ENTPD7: variants seen among roughly 807,000 people sequenced by gnomAD.
ENTPD7 encodes ectonucleoside triphosphate diphosphohydrolase 7.
Under a neutral mutation model 77.9 loss-of-function variants are expected in ENTPD7, and 53 were observed. The ratio of observed to expected loss-of-function variants is 0.68; its 90% CI spans 0.55 to 0.85. ENTPD7 has a LOEUF of 0.85. ENTPD7 is among the 40% of genes least tolerant of loss of function. The pLI is 0.00. For missense variants in ENTPD7, 636 were observed against 743.7 expected, an observed-to-expected ratio of 0.86 and a Z score of 1.68; for synonymous variants, 248 against 274.9, an observed-to-expected ratio of 0.90 and a Z score of 0.97.
chr10:99,686,521 T>G (rs1253222838), intron 6 of ENTPD7, among the ~76,000 whole-genome samples: 2 of 152,196 alleles, frequency 1.3e-5, no homozygotes, highest in African/African-American at 4.8e-5. Flanking sequence ...GATTTACCTT[T>G]TAAAATTTCA....
In ENTPD7 at chr10:99,661,609, C is replaced by G. The variant is rs370286436; in HGVS notation, c.172C>G (p.Arg58Gly). 1 of 1,606,324 alleles carries G rather than the reference C, an allele frequency of 6.2e-7. No homozygotes were observed. The highest frequency in any genetic ancestry group is 8.5e-7 in the Non-Finnish European group (1 of 1,177,632). ...TCGACATTGGAGTGCTTCATTACCA[C>G]GAGATAGGCAATACGAAAGGTGAGT... Reference protein sequence around the residue: ...DFRHWSASLPRDRQYERYLAR... With the variant: ...DFRHWSASLPGDRQYERYLAR... The change falls in exon 3 of 13, where the codon CGA (arginine) becomes GGA (glycine). Residue 58 changes from arginine to glycine, a missense_variant. By Grantham distance (125) the Arg-to-Gly change is moderately radical. Transcript: ENST00000370489.
chr10:99,699,893 C>T (rs1419574501), intron 10 of ENTPD7, among the ~76,000 whole-genome samples: 2 of 151,966 alleles, frequency 1.3e-5, no homozygotes, highest in Non-Finnish European at 2.9e-5. Context: ...CCCTCCCTCC[C>T]TTCCCTCCTT....
Position 99,707,199 on chromosome 10 carries a change from C to G in ENTPD7, c.*2516C>G. On this transcript the variant is annotated 3_prime_UTR_variant, in exon 13 of 13. Transcript: ENST00000370489. Reference sequence around the variant, plus strand: ...TTAATGTGTTATTTCCTGTTCATTACTTTAATATTATGGTATCTAGGCTTG... The same window carrying G: ...TTAATGTGTTATTTCCTGTTCATTAGTTTAATATTATGGTATCTAGGCTTG... Among the ~76,000 whole-genome samples the G allele has an allele frequency of 6.6e-6, 1 of 152,192 alleles. No homozygotes were observed. The highest frequency in any genetic ancestry group is 1.9e-4 in the East Asian group (1 of 5,184).
chr10:99,668,747 G>C (rs1401718624), intron 3 of ENTPD7, among the ~76,000 whole-genome samples: 2 of 152,058 alleles, frequency 1.3e-5, no homozygotes. Context: ...AAGTAACTAG[G>C]AATTGGTAGA....
intron 10 of ENTPD7, 26 bp from the exon 11 acceptor site, chr10:99,700,947 G>A: frequency 6.3e-7 from 1 of 1,596,550 alleles, no homozygotes; most frequent in Non-Finnish European, 8.6e-7. Context: ...AATTCATGTT[G>A]CACTATTTCT....
intron 3 of ENTPD7, among the ~76,000 whole-genome samples, chr10:99,675,597 A>ATTT (rs56282052): frequency 1.2e-4 from 13 of 105,602 alleles, no homozygotes; most frequent in South Asian, 3.1e-4. Flanking sequence ...ATTGCAACTA[A>ATTT]TTTTTTTTTT....
chr10:99,688,818 A>G, intron 7 of ENTPD7, 68 bp downstream of exon 7: 1 of 1,459,412 alleles, frequency 6.9e-7, no homozygotes, highest in Non-Finnish European at 9.4e-7. Flanking sequence ...ACCTATCAGT[A>G]GCATGTAAAT....
chr10:99,709,919 T>A lies in ENTPD7; in HGVS notation c.*5236T>A, dbSNP rs1436668789. 1 of 985,300 alleles carries A rather than the reference T, an allele frequency of 1.0e-6. No individual in the cohort carries two copies. The highest frequency in any genetic ancestry group is 1.7e-5 in the African/African-American group (1 of 57,256). 61.0% of individuals were successfully genotyped at this position (985,300 alleles called of 1,614,324 possible). On this transcript the variant is annotated 3_prime_UTR_variant, in exon 13 of 13. Coordinates refer to ENST00000370489, the MANE Select transcript of ENTPD7 (RefSeq NM_020354.5). The stretch of plus-strand genomic sequence containing the variant: ...CTGAGCAATACGGAGATCCTTTTAT[T>A]AGTAAAACTGAATCATTACTCATAC...
At chr10:99,691,355 A>G in intron 7 of ENTPD7, 30 bp from the exon 8 acceptor site, 1 of 1,598,374 alleles carries the variant, frequency 6.3e-7, no homozygotes, top group Non-Finnish European at 8.5e-7. Flanking sequence ...TTTAATTACT[A>G]GGGCCTTTTT....
intron 3 of ENTPD7, among the ~76,000 whole-genome samples, chr10:99,663,995 A>G (rs1254335936): frequency 2.0e-5 from 3 of 150,572 alleles, no homozygotes; most frequent in Non-Finnish European, 4.4e-5. Context: ...TCATTCGTAT[A>G]TTTTTTTGCT....
chr10:99,696,085 G>A lies in ENTPD7; in HGVS notation c.973G>A (p.Glu325Lys), dbSNP rs769580214. 14 of 1,614,014 alleles carry A rather than the reference G, an allele frequency of 8.7e-6. No individual in the cohort carries two copies. The highest frequency in any genetic ancestry group is 3.3e-5 in the Admixed American group (2 of 59,996). Residue 325 changes from glutamate (E) to lysine (K), a missense_variant, in exon 9 of 13, where the codon GAA (glutamate) becomes AAA (lysine). Coordinates refer to ENST00000370489, the MANE Select transcript of ENTPD7 (RefSeq NM_020354.5). ...FGGNFARQRY[E>K]DLVLNETLNK... is the part of the protein sequence containing the mutation. ...AGGCAACTTTGCCCGGCAGCGCTAC[G>A]AAGACCTTGTTCTGAATGAAACTCT... is the stretch of plus-strand genomic sequence containing the variant.
intron 7 of ENTPD7, 77 bp from the exon 8 acceptor site, chr10:99,691,308 G>T: frequency 6.8e-7 from 1 of 1,477,718 alleles, no homozygotes; most frequent in Non-Finnish European, 9.1e-7. Context: ...AAATTTTCAA[G>T]GGATTGCTGT....
intron 8 of ENTPD7, 34 bp from the exon 9 acceptor site, chr10:99,695,911 CAACCAAAACTA>C: frequency 6.4e-7 from 1 of 1,566,042 alleles, no homozygotes; most frequent in South Asian, 1.2e-5. Context: ...TTCTAGAAGG[CAACCAAAACTA>C]AAATTCCCTT....
At chr10:99,675,454 G>A (rs945643579) in intron 3 of ENTPD7, among the ~76,000 whole-genome samples, 13 of 146,110 alleles carry the variant, frequency 8.9e-5, no homozygotes, top group Non-Finnish European at 1.3e-4. Context: ...GCCATTCAAA[G>A]TGCATGTTAA....
At chr10:99,687,802 C>T (rs2035833518) in intron 6 of ENTPD7, among the ~76,000 whole-genome samples, 1 of 152,182 alleles carries the variant, frequency 6.6e-6, no homozygotes, top group Non-Finnish European at 1.5e-5. Context: ...TTCCTTGGAG[C>T]TCCCTTTCAT....
chr10:99,685,994 A>C, intron 6 of ENTPD7, 99 bp downstream of exon 6: 2 of 709,284 alleles, frequency 2.8e-6, no homozygotes, highest in Non-Finnish European at 4.6e-6. Flanking sequence ...TCGGATTTTA[A>C]TTTTTCTGCC....
intron 3 of ENTPD7, among the ~76,000 whole-genome samples, chr10:99,674,717 G>A (rs1464536212): frequency 2.6e-5 from 4 of 152,150 alleles, no homozygotes; most frequent in African/African-American, 9.7e-5. Context: ...CATTTGGGTC[G>A]CTTCCATCTC....
At chr10:99,689,066 T>G (rs1219435255) in intron 7 of ENTPD7, among the ~76,000 whole-genome samples, 1 of 152,162 alleles carries the variant, frequency 6.6e-6, no homozygotes, top group African/African-American at 2.4e-5. Flanking sequence ...TCATTGAATG[T>G]TTTAAAAAGC....
In ENTPD7 at chr10:99,706,633, CCT is replaced by C. The variant is rs1172522028; in HGVS notation, c.*1953_*1954del. ...TACAAGCATGAGCTACTGCACCTGC[CCT>C]CTGTTTCCTTTGGAAATCTCTTACC... is the stretch of plus-strand genomic sequence containing the variant. On this transcript the variant is annotated 3_prime_UTR_variant, in exon 13 of 13. Transcript: ENST00000370489. 3.9e-5 allele frequency among the ~76,000 whole-genome samples: 6 copies of C among 152,130 alleles called. No individual in the cohort carries two copies. Among genetic ancestry groups the C allele is most frequent in the African/African-American group, 4.8e-5 (2 of 41,422 alleles).
Sources: gnomAD v4.1 joint callset for allele counts (sites outside exome capture counted in the v4.1 genomes callset) on GRCh38, gnomAD v4.1.1 for gene constraint, MANE v1.5 for transcripts, NCBI Gene and HGNC (gene_info 2026-07-23, HGNC 2026-07-21) for gene names.